LMBRD1: variants seen among roughly 807,000 people sequenced by gnomAD.
The protein encoded by LMBRD1 is LMBR1 domain containing 1.
Under a neutral mutation model 74.8 loss-of-function variants are expected in LMBRD1, and 64 were observed. The observed-to-expected ratio is 0.86, with a 90% confidence interval of 0.70 to 1.05. The LOEUF (loss-of-function observed/expected upper bound fraction) is 1.05, where lower values mean the gene tolerates loss of function less well. LMBRD1 is among the 50% of genes least tolerant of loss of function. The probability of loss-of-function intolerance (pLI) is 0.00; values close to 1 mark genes in which losing one functional copy is unlikely to be tolerated. For missense variants in LMBRD1, 652 were observed against 645.9 expected (o/e 1.01, Z -0.10); for synonymous variants, 204 against 216.3 (o/e 0.94, Z 0.50).
At chr6:69,769,062 T>C (rs1356827420) in intron 3 of LMBRD1, among the ~76,000 whole-genome samples, 1 of 152,148 alleles carries the variant, frequency 6.6e-6, no homozygotes, top group Non-Finnish European at 1.5e-5. Context: ...GATGGGTAGA[T>C]TGCTTTTTGG....
At chr6:69,783,727 C>A (rs2149894687) in intron 2 of LMBRD1, among the ~76,000 whole-genome samples, 1 of 152,134 alleles carries the variant, frequency 6.6e-6, no homozygotes, top group African/African-American at 2.4e-5. Flanking sequence ...AGAATAATAA[C>A]AACTATCTTT....
rs1351441925 is a variant in LMBRD1 at position 69,675,505 on chromosome 6, G to C, written c.*653C>G. Reference sequence around the variant, plus strand: ...TATTGAAATACACATTTTGAGGTCAGATGCAAAACAAAAGCTACCTATAAC... The same window carrying C: ...TATTGAAATACACATTTTGAGGTCACATGCAAAACAAAAGCTACCTATAAC... On this transcript the variant is annotated 3_prime_UTR_variant, in exon 16 of 16. Transcript: ENST00000649934. 6.6e-6 allele frequency among the ~76,000 whole-genome samples: 1 copy of C among 152,026 alleles called. No homozygotes were observed. The highest frequency in any genetic ancestry group is 1.5e-5 in the Non-Finnish European group (1 of 67,984).
chr6:69,733,299 C>T (rs1029151945), intron 7 of LMBRD1, among the ~76,000 whole-genome samples: 1 of 151,908 alleles, frequency 6.6e-6, no homozygotes, highest in African/African-American at 2.4e-5. Flanking sequence ...TTTTCTATAC[C>T]CTCTTTCAAG....
At chr6:69,715,226 C>A (rs973884937) in intron 8 of LMBRD1, among the ~76,000 whole-genome samples, 1 of 152,012 alleles carries the variant, frequency 6.6e-6, no homozygotes, top group African/African-American at 2.4e-5. Flanking sequence ...ACAATTTCCC[C>A]TAAAATTTCC....
intron 3 of LMBRD1, among the ~76,000 whole-genome samples, chr6:69,761,828 T>TCTG (rs1765380942): frequency 6.6e-6 from 1 of 152,112 alleles, no homozygotes; most frequent in Non-Finnish European, 1.5e-5. Flanking sequence ...TAACCACTGA[T>TCTG]CTGCTGTCTT....
At chr6:69,738,479 T>C (rs533035288) in intron 6 of LMBRD1, among the ~76,000 whole-genome samples, 6 of 152,228 alleles carry the variant, frequency 3.9e-5, no homozygotes, top group South Asian at 2.1e-4. Context: ...TGGTTCTTAA[T>C]AGATAATCAA....
intron 3 of LMBRD1, among the ~76,000 whole-genome samples, chr6:69,777,056 G>A (rs1031178801): frequency 3.3e-5 from 5 of 152,164 alleles, no homozygotes; most frequent in Admixed American, 2.6e-4. Flanking sequence ...GCCGAGGCAA[G>A]AGAATCACTT....
intron 7 of LMBRD1, among the ~76,000 whole-genome samples, chr6:69,731,735 A>G (rs1766862568): frequency 6.6e-6 from 1 of 152,152 alleles, no homozygotes; most frequent in African/African-American, 2.4e-5. Context: ...GTTTAGGTGT[A>G]TTAAATGCAT....
intron 7 of LMBRD1, among the ~76,000 whole-genome samples, chr6:69,729,338 C>T (rs9294850): frequency 2.4e-3 from 366 of 151,182 alleles, no homozygotes; most frequent in African/African-American, 8.5e-3. Flanking sequence ...TCAATTATAA[C>T]GCATAGGTAT....
At chr6:69,732,303 T>TG (rs757844038) in intron 7 of LMBRD1, among the ~76,000 whole-genome samples, 1 of 152,180 alleles carries the variant, frequency 6.6e-6, no homozygotes, top group Non-Finnish European at 1.5e-5. Flanking sequence ...ATAAGATTAA[T>TG]GCCCTTATAA....
At chr6:69,724,572 A>G (rs564387547) in intron 7 of LMBRD1, among the ~76,000 whole-genome samples, 26 of 148,874 alleles carry the variant, frequency 1.7e-4, no homozygotes, top group African/African-American at 6.4e-4. Context: ...TGATCTTTCT[A>G]ATCAATCGTT....
At chr6:69,796,736 A>G (rs537586616) in intron 1 of LMBRD1, 77 bp downstream of exon 1, 2 of 1,356,058 alleles carry the variant, frequency 1.5e-6, no homozygotes, top group East Asian at 5.0e-5. Context: ...CGGGGCCCGG[A>G]GAGGCCAACT....
chr6:69,796,486 C>T (rs1292746958), intron 1 of LMBRD1, among the ~76,000 whole-genome samples: 1 of 152,226 alleles, frequency 6.6e-6, no homozygotes, highest in Non-Finnish European at 1.5e-5. Context: ...AAGGCCACCA[C>T]ATACTTCTCA....
At chr6:69,701,736 C>T (rs367918087) in intron 10 of LMBRD1, among the ~76,000 whole-genome samples, 153 bp downstream of exon 10, 6 of 151,974 alleles carry the variant, frequency 3.9e-5, no homozygotes, top group South Asian at 2.1e-4. Context: ...TATTATTGGA[C>T]GTTTTAGCCA....
In LMBRD1 at chr6:69,727,251, C is replaced by T. The variant is rs186187618; in HGVS notation, c.637-8170G>A. ...TATAAATGCTTGACAGAAGAGATAC[C>T]GAATTTGCCATGATGTGATTATTAT... On this transcript the variant is annotated intron_variant, in intron 7 of 15. Transcript: ENST00000649934. Among the ~76,000 whole-genome samples the T allele has an allele frequency of 7.7e-4, 117 of 152,220 alleles. 1 individual carries two copies. Among genetic ancestry groups the T allele is most frequent in the Non-Finnish European group, 9.0e-4 (61 of 68,006 alleles).
chr6:69,793,684 G>A (rs950867154), intron 1 of LMBRD1, among the ~76,000 whole-genome samples: 2 of 148,914 alleles, frequency 1.3e-5, no homozygotes, highest in Non-Finnish European at 3.0e-5. Flanking sequence ...TTTTGCCCAC[G>A]ATCACAAAAG....
intron 7 of LMBRD1, among the ~76,000 whole-genome samples, chr6:69,731,145 G>C (rs1766846272): frequency 6.6e-6 from 1 of 152,078 alleles, no homozygotes; most frequent in South Asian, 2.1e-4. Flanking sequence ...TAAAAGAGTA[G>C]AGGCCGTTAA....
chr6:69,726,672 AATCAAAAC>A (rs1359529764), intron 7 of LMBRD1, among the ~76,000 whole-genome samples: 1 of 152,134 alleles, frequency 6.6e-6, no homozygotes, highest in Non-Finnish European at 1.5e-5. Context: ...AGGATCTAAA[AATCAAAAC>A]AATTGAACTC....
chr6:69,727,754 T>C lies in LMBRD1; in HGVS notation c.637-8673A>G, dbSNP rs571808759. On this transcript the variant is annotated intron_variant, in intron 7 of 15. Coordinates refer to ENST00000649934, the MANE Select transcript of LMBRD1 (RefSeq NM_018368.4). The stretch of plus-strand genomic sequence containing the variant: ...TATTAAATTATATATCCTCAAAACA[T>C]TGAAAAATACAAAGAATAAAGCCTA... Among the ~76,000 whole-genome samples, 31 of 151,270 alleles carry C rather than the reference T, an allele frequency of 2.0e-4. 1 individual carries two copies. The South Asian group carries it at 5.8e-3, about 28-fold the overall frequency.
Sources: allele counts gnomAD v4.1 joint callset (sites outside exome capture counted in the v4.1 genomes callset), GRCh38; gene constraint gnomAD v4.1.1; transcripts MANE v1.5; gene names NCBI Gene and HGNC (gene_info 2026-07-23, HGNC 2026-07-21).